MACROH2A1: variants seen among roughly 807,000 people sequenced by gnomAD.
MACROH2A1 encodes the protein macroH2A.1 histone.
A neutral mutation model predicts 31.6 loss-of-function variants in MACROH2A1; 2 were observed. The ratio of observed to expected loss-of-function variants is 0.06; its 90% confidence interval spans 0.03 to 0.20. The LOEUF (loss-of-function observed/expected upper bound fraction) is 0.20, where lower values mean the gene tolerates loss of function less well. Among genes scored for constraint, MACROH2A1 ranks in the 10% least tolerant of loss-of-function variants. The pLI, the probability that MACROH2A1 is intolerant of heterozygous loss-of-function variation, is 1.00. For synonymous variants in MACROH2A1, 169 were observed against 189.6 expected, an observed-to-expected ratio of 0.89 and a Z score of 0.89; for missense variants, 230 against 474.0, an observed-to-expected ratio of 0.49 and a Z score of 4.78.
At chr5:135,362,502 G>A (rs1480230864) in intron 4 of MACROH2A1, 3 of 152,016 alleles carry the variant, frequency 2.0e-5, no homozygotes, top group East Asian at 3.8e-4. Context: ...ATTTTTTTTA[G>A]TGAACAAGAT....
chr5:135,376,326 G>A (rs1039109112), intron 2 of MACROH2A1, among the ~76,000 whole-genome samples: 1 of 152,056 alleles, frequency 6.6e-6, no homozygotes, highest in Admixed American at 6.5e-5. Context: ...CCAATAAGAT[G>A]GAAATGCAGC....
rs757233014 is a variant in MACROH2A1, at chr5:135,343,155, G to A, written c.953+105C>T. ...TGTGCTTCTGGTCTCCTTGGTTAAG[G>A]CAGCCTCCGTGGGCCTTGCACAGAG... On this transcript the variant is annotated intron_variant, in intron 8 of 8. Coordinates refer to ENST00000511689, the MANE Select transcript of MACROH2A1 (RefSeq NM_138610.3). 5.0e-6 allele frequency: 8 copies of A among 1,593,038 alleles called. No individual in the cohort carries two copies. In the East Asian group the frequency reaches 1.6e-4, roughly 31 times the overall value.
At chr5:135,375,526 T>C (rs1438368540) in intron 2 of MACROH2A1, among the ~76,000 whole-genome samples, 4 of 152,208 alleles carry the variant, frequency 2.6e-5, no homozygotes, top group African/African-American at 9.7e-5. Context: ...ATTTTGTCTA[T>C]CTTCCTTCAG....
intron 5 of MACROH2A1, chr5:135,359,418 G>A: frequency 2.0e-6 from 2 of 985,082 alleles, no homozygotes; most frequent in Non-Finnish European, 2.4e-6. Context: ...CAAATCCCCA[G>A]ACCTTAAGAT....
rs537304997 is a variant in MACROH2A1 at position 135,380,098 on chromosome 5, G to C, written c.172+8824C>G. 2.0e-5 allele frequency among the ~76,000 whole-genome samples: 3 copies of C among 152,234 alleles called. No homozygotes were observed. The South Asian group carries it at 6.2e-4, about 32-fold the overall frequency. On this transcript the variant is annotated intron_variant, in intron 2 of 8. Coordinates refer to ENST00000511689, the MANE Select transcript of MACROH2A1 (RefSeq NM_138610.3). Reference sequence around the variant, plus strand: ...TTTCATCCTCATCAATTTCCTGGTAGTATCTGACATTACCAATACTCCCTC... The same window carrying C: ...TTTCATCCTCATCAATTTCCTGGTACTATCTGACATTACCAATACTCCCTC...
intron 8 of MACROH2A1, among the ~76,000 whole-genome samples, chr5:135,338,438 G>A (rs1038949404): frequency 1.3e-5 from 2 of 152,212 alleles, no homozygotes; most frequent in African/African-American, 4.8e-5. Context: ...GGCTTTGAAG[G>A]GTCTTTTAAA....
intron 2 of MACROH2A1, among the ~76,000 whole-genome samples, chr5:135,384,358 C>A (rs1766102545): frequency 6.6e-6 from 1 of 152,206 alleles, no homozygotes; most frequent in East Asian, 1.9e-4. Flanking sequence ...ACTTTGTTAG[C>A]CAAAACCAGA....
At chr5:135,389,671 T>C (rs963757597) in intron 1 of MACROH2A1, among the ~76,000 whole-genome samples, 4 of 152,180 alleles carry the variant, frequency 2.6e-5, no homozygotes, top group African/African-American at 9.7e-5. Flanking sequence ...GTCCACCAGA[T>C]GGGCCAATCT....
chr5:135,335,882 G>T (rs1237463182), intron 8 of MACROH2A1, among the ~76,000 whole-genome samples: 1 of 152,216 alleles, frequency 6.6e-6, no homozygotes, highest in Non-Finnish European at 1.5e-5. Flanking sequence ...TGGCATGTGG[G>T]TAGCCCAGGG....
chr5:135,348,854 G>T (rs1186144238), intron 6 of MACROH2A1, among the ~76,000 whole-genome samples: 3 of 152,180 alleles, frequency 2.0e-5, no homozygotes, highest in South Asian at 2.1e-4. Flanking sequence ...AGGGTCCTGG[G>T]CCCAGATTGC....
intron 5 of MACROH2A1, chr5:135,355,096 T>C: frequency 2.2e-6 from 1 of 456,122 alleles, no homozygotes. Context: ...AAAGAAGCTA[T>C]TTTGGCGGGC....
chr5:135,357,030 G>C (rs1437154489), intron 5 of MACROH2A1: 2 of 152,296 alleles, frequency 1.3e-5, no homozygotes, highest in East Asian at 3.9e-4. Flanking sequence ...TCTTCCATAG[G>C]ACCCTTTCCA....
intron 8 of MACROH2A1, among the ~76,000 whole-genome samples, chr5:135,340,984 T>C (rs1258266487): frequency 1.3e-5 from 2 of 152,226 alleles, no homozygotes; most frequent in Non-Finnish European, 2.9e-5. Context: ...CCATGAAAAA[T>C]GTAAATAAGT....
intron 4 of MACROH2A1, among the ~76,000 whole-genome samples, chr5:135,364,534 G>C (rs1344547146): frequency 2.0e-5 from 3 of 152,196 alleles, no homozygotes; most frequent in Non-Finnish European, 4.4e-5. Context: ...GTCAGCTCCA[G>C]AAAGACTGTT....
intron 5 of MACROH2A1, chr5:135,357,958 A>C (rs745890264): frequency 2.0e-6 from 2 of 985,392 alleles, no homozygotes; most frequent in Non-Finnish European, 2.4e-6. Flanking sequence ...GCTTGCTTGC[A>C]ATCTTCAAGC....
chr5:135,394,126 C>T (rs1042207594), intron 1 of MACROH2A1, among the ~76,000 whole-genome samples: 1 of 152,186 alleles, frequency 6.6e-6, no homozygotes, highest in South Asian at 2.1e-4. Flanking sequence ...AACCAAAGTG[C>T]CATGGAGGCC....
intron 2 of MACROH2A1, among the ~76,000 whole-genome samples, chr5:135,373,294 A>G (rs1403682524): frequency 6.6e-6 from 1 of 151,472 alleles, no homozygotes; most frequent in Non-Finnish European, 1.5e-5. Context: ...ATGATGGATA[A>G]AAAGACCTGA....
In MACROH2A1 at chr5:135,390,975, C is replaced by G. The variant is rs189916869; in HGVS notation, c.-33-1849G>C. Among the ~76,000 whole-genome samples, 310 of 152,264 alleles carry G rather than the reference C, an allele frequency of 2.0e-3. 1 individual carries two copies. Among genetic ancestry groups the G allele is most frequent in the African/African-American group, 7.3e-3 (302 of 41,538 alleles). ...GAAGAGTAAAGGCCTCTGTCATGAG[C>G]GCCCTGTCAAGGAGCACCCAGTCTT... On this transcript the variant is annotated intron_variant, in intron 1 of 8. Transcript: ENST00000511689.
At chr5:135,370,767 G>C (rs1764084824) in intron 2 of MACROH2A1, among the ~76,000 whole-genome samples, 1 of 152,192 alleles carries the variant, frequency 6.6e-6, no homozygotes, top group South Asian at 2.1e-4. Flanking sequence ...CAAATATAAT[G>C]TGTCACTCCT....
Sources: gnomAD v4.1 joint callset for allele counts (sites outside exome capture counted in the v4.1 genomes callset) on GRCh38, gnomAD v4.1.1 for gene constraint, MANE v1.5 for transcripts, NCBI Gene and HGNC (gene_info 2026-07-23, HGNC 2026-07-21) for gene names.